Variants in PRKN observed in about 807,000 individuals in gnomAD.
The protein encoded by PRKN is E3 ubiquitin-protein ligase parkin.
A neutral mutation model predicts 59.5 loss-of-function variants in PRKN; 56 were observed. The observed-to-expected ratio is 0.94, with a 90% CI of 0.76 to 1.18. The LOEUF (loss-of-function observed/expected upper bound fraction) is 1.18, where lower values mean the gene tolerates loss of function less well. PRKN is among the 50% of genes most tolerant of loss of function. The pLI is 0.00. For synonymous variants in PRKN, 250 were observed against 222.1 expected (o/e 1.13, Z -1.12); for missense variants, 657 against 596.4 (o/e 1.10, Z -1.06).
At chr6:162,254,292 AT>A (rs1020327472) in intron 3 of PRKN, among the ~76,000 whole-genome samples, 25 of 151,966 alleles carry the variant, frequency 1.6e-4, no homozygotes, top group Admixed American at 6.6e-5. Flanking sequence ...CCCTGTCTCT[AT>A]TAAAAATACA....
chr6:162,144,091 C>T (rs1333853475), intron 4 of PRKN, among the ~76,000 whole-genome samples: 1 of 152,126 alleles, frequency 6.6e-6, no homozygotes, highest in Non-Finnish European at 1.5e-5. Flanking sequence ...AAGAAAGGGG[C>T]TGGTGATGCG....
intron 2 of PRKN, among the ~76,000 whole-genome samples, chr6:162,349,807 C>T (rs1056391246): frequency 6.6e-6 from 1 of 152,102 alleles, no homozygotes; most frequent in Non-Finnish European, 1.5e-5. Context: ...GATGTCTGCT[C>T]TTATCAGTTC....
chr6:162,589,782 T>A (rs1193117408), intron 1 of PRKN, among the ~76,000 whole-genome samples: 1 of 152,206 alleles, frequency 6.6e-6, no homozygotes, highest in Non-Finnish European at 1.5e-5. Context: ...TGCAACTCTG[T>A]TTGTTTTCTC....
At chr6:162,648,384 C>CTTTTT (rs10644990) in intron 1 of PRKN, among the ~76,000 whole-genome samples, 2 of 144,484 alleles carry the variant, frequency 1.4e-5, no homozygotes, top group African/African-American at 2.6e-5. Context: ...GGTGTTCTTT[C>CTTTTT]TTTTTTTATT....
At chr6:161,854,649 T>G (rs1025984068) in intron 6 of PRKN, among the ~76,000 whole-genome samples, 4 of 152,144 alleles carry the variant, frequency 2.6e-5, no homozygotes, top group Non-Finnish European at 5.9e-5. Flanking sequence ...AAGAATAAAA[T>G]GGAAGACTAC....
At chr6:162,057,720 C>T (rs1200422179) in intron 4 of PRKN, among the ~76,000 whole-genome samples, 2 of 152,170 alleles carry the variant, frequency 1.3e-5, no homozygotes, top group Non-Finnish European at 2.9e-5. Flanking sequence ...ACTTCTGGAA[C>T]ACTGTGTACG....
intron 1 of PRKN, among the ~76,000 whole-genome samples, chr6:162,611,111 C>T (rs190451778): frequency 6.6e-6 from 1 of 152,190 alleles, no homozygotes; most frequent in Admixed American, 6.5e-5. Context: ...TATCTATTGG[C>T]AAAGGAACTA....
rs1302410546 is a variant in PRKN at position 161,459,388 on chromosome 6, T to G, written c.1084-72511A>C. Among the ~76,000 whole-genome samples the G allele has an allele frequency of 6.6e-6, 1 of 152,254 alleles. No individual in the cohort carries two copies. The highest frequency in any genetic ancestry group is 1.5e-5 in the Non-Finnish European group (1 of 68,052). ...TTAAGTAATTCATTTGGTTTTAGTT[T>G]ACTTTTGAGAAAGTCCAAGCTGTGC... On this transcript the variant is annotated intron_variant, in intron 9 of 11. Coordinates refer to ENST00000366898, the MANE Select transcript of PRKN (RefSeq NM_004562.3). This position sits in a 1 kb window ranked among gnomAD's most constrained non-coding sequence, Gnocchi z 4.8.
At chr6:161,692,556 G>A (rs1423012446) in intron 7 of PRKN, among the ~76,000 whole-genome samples, 1 of 152,158 alleles carries the variant, frequency 6.6e-6, no homozygotes, top group African/African-American at 2.4e-5. Context: ...AGTTTTAGAA[G>A]TAAAAGCTTT....
intron 6 of PRKN, among the ~76,000 whole-genome samples, chr6:161,905,928 TAAA>T (rs750946937): frequency 1.3e-4 from 14 of 104,980 alleles, no homozygotes; most frequent in Admixed American, 2.0e-4. Flanking sequence ...CCACTGCATC[TAAA>T]AAAAAAAAAA....
intron 3 of PRKN, among the ~76,000 whole-genome samples, chr6:162,236,024 A>C: frequency 6.7e-6 from 1 of 149,936 alleles, no homozygotes. Flanking sequence ...AAAGAAAGAA[A>C]CTCCTCACCC....
intron 6 of PRKN, among the ~76,000 whole-genome samples, chr6:161,969,363 G>A (rs1442109684): frequency 6.6e-6 from 1 of 151,594 alleles, no homozygotes; most frequent in Admixed American, 6.6e-5. Flanking sequence ...GGGGGTACCC[G>A]GAGAAAGTGA....
chr6:162,215,728 T>G (rs1013634693), intron 3 of PRKN, among the ~76,000 whole-genome samples: 6 of 152,068 alleles, frequency 3.9e-5, no homozygotes, highest in African/African-American at 1.2e-4. Context: ...TGGGCATCAC[T>G]GAATACAGGA....
rs539938046 is a variant in PRKN, at chr6:162,529,955, C to A, written c.8-86482G>T. Among the ~76,000 whole-genome samples the A allele has an allele frequency of 1.1e-4, 17 of 152,028 alleles. No individual in the cohort carries two copies. In the South Asian group the frequency reaches 2.5e-3, roughly 22 times the overall value. ...GACCATCCTTACCAACATGGAGAAACCCCCGTCTCTACTACAAATACAAAA... is the reference window on the plus strand; with the variant it reads ...GACCATCCTTACCAACATGGAGAAAACCCCGTCTCTACTACAAATACAAAA... On this transcript the variant is annotated intron_variant, in intron 1 of 11. Coordinates refer to ENST00000366898, the MANE Select transcript of PRKN (RefSeq NM_004562.3).
intron 1 of PRKN, among the ~76,000 whole-genome samples, chr6:162,696,085 A>C (rs1338421344): frequency 6.6e-6 from 1 of 152,156 alleles, no homozygotes; most frequent in Non-Finnish European, 1.5e-5. Flanking sequence ...GAATCCTATA[A>C]ACAAATTGGT....
chr6:161,835,415 A>G (rs1280205655), intron 6 of PRKN, among the ~76,000 whole-genome samples: 1 of 152,100 alleles, frequency 6.6e-6, no homozygotes, highest in African/African-American at 2.4e-5. Flanking sequence ...ACCCTTGTTT[A>G]ATCTGTGACA....
chr6:162,613,480 G>A (rs1022114892), intron 1 of PRKN, among the ~76,000 whole-genome samples: 15 of 152,194 alleles, frequency 9.9e-5, no homozygotes, highest in African/African-American at 2.2e-4. Flanking sequence ...AACTCACTAC[G>A]TCACTTTACA....
At chr6:162,037,500 G>A (rs185675891) in intron 5 of PRKN, among the ~76,000 whole-genome samples, 2 of 151,872 alleles carry the variant, frequency 1.3e-5, no homozygotes, top group African/African-American at 4.8e-5. Context: ...AGTGTTAATA[G>A]TGATTATCTC....
chr6:161,364,237 G>T (rs1180071057), intron 10 of PRKN, among the ~76,000 whole-genome samples: 1 of 149,678 alleles, frequency 6.7e-6, no homozygotes, highest in African/African-American at 2.5e-5. Flanking sequence ...AAGGCAGGCA[G>T]ATCACCAAGT....
Sources: gnomAD v4.1 joint callset for allele counts (sites outside exome capture counted in the v4.1 genomes callset) on GRCh38, gnomAD v4.1.1 for gene constraint, Gnocchi (gnomAD v3.1) non-coding constraint, MANE v1.5 for transcripts, NCBI Gene and HGNC (gene_info 2026-07-23, HGNC 2026-07-21) for gene names.